Variants in CANX observed in about 807,000 individuals in gnomAD.
CANX encodes the protein epididymis secretory sperm binding protein.
A neutral mutation model predicts 75.7 loss-of-function variants in CANX; 14 were observed. That is an observed-to-expected ratio of 0.19 (90% CI 0.12 to 0.29). The LOEUF is 0.29. Ranked by LOEUF, CANX falls within the 10% of genes least tolerant of loss-of-function variation. The probability of loss-of-function intolerance (pLI) is 1.00; values close to 1 mark genes in which losing one functional copy is unlikely to be tolerated. For synonymous variants in CANX, 227 were observed against 236.9 expected, an observed-to-expected ratio of 0.96 and a Z score of 0.38; for missense variants, 567 against 713.2, an observed-to-expected ratio of 0.79 and a Z score of 2.34.
At chr5:179,707,657 T>A (rs1432298903) in intron 4 of CANX, among the ~76,000 whole-genome samples, 3 of 128,568 alleles carry the variant, frequency 2.3e-5, no homozygotes, top group East Asian at 4.8e-4. Flanking sequence ...TTTTTTTTTT[T>A]TTTTTTTTTT....
upstream of CANX, among the ~76,000 whole-genome samples, chr5:179,696,598 A>G (rs1257417322): frequency 5.3e-5 from 8 of 151,998 alleles, no homozygotes; most frequent in Admixed American, 6.6e-5. Flanking sequence ...CTGCTTCTAG[A>G]GTTTCAGGCC....
chr5:179,712,503 C>T (rs1581868525), intron 7 of CANX, among the ~76,000 whole-genome samples: 1 of 151,808 alleles, frequency 6.6e-6, no homozygotes, highest in African/African-American at 2.4e-5. Context: ...ACCACAACCT[C>T]TGCCTCTTGC....
upstream of CANX, chr5:179,694,730 A>T: frequency 1.5e-6 from 1 of 677,894 alleles, no homozygotes; most frequent in Non-Finnish European, 2.7e-6. Context: ...TGGAAGAGGA[A>T]GATGAAGACG....
At chr5:179,709,517 C>T (rs769342250) in intron 6 of CANX, among the ~76,000 whole-genome samples, 4 of 152,038 alleles carry the variant, frequency 2.6e-5, no homozygotes, top group African/African-American at 7.2e-5. Context: ...TTGACGCTAA[C>T]GTGCTTTTTA....
chr5:179,690,449 A>G (rs778743165), intron 1 of CANX, among the ~76,000 whole-genome samples: 3 of 151,668 alleles, frequency 2.0e-5, no homozygotes, highest in Non-Finnish European at 4.4e-5. Flanking sequence ...GGTGGTACGC[A>G]CCTGTAATCC....
At chr5:179,712,494 C>G (rs1161832260) in intron 7 of CANX, among the ~76,000 whole-genome samples, 1 of 151,946 alleles carries the variant, frequency 6.6e-6, no homozygotes, top group Non-Finnish European at 1.5e-5. Flanking sequence ...TCTTGGCTCA[C>G]CACAACCTCT....
intron 1 of CANX, among the ~76,000 whole-genome samples, chr5:179,684,390 CT>C (rs559968980): frequency 0.012 from 1,647 of 134,846 alleles, 31 homozygotes; most frequent in African/African-American, 0.037. Context: ...GCTAGTAAGC[CT>C]TTTTTTTTTT....
chr5:179,721,025 G>A (rs924311669), intron 10 of CANX, among the ~76,000 whole-genome samples: 77 of 146,918 alleles, frequency 5.2e-4, no homozygotes, highest in African/African-American at 1.8e-3. Flanking sequence ...CTCGCGATCC[G>A]CCCACCTCAA....
intron 9 of CANX, among the ~76,000 whole-genome samples, chr5:179,720,138 C>G (rs1351536991): frequency 6.6e-6 from 1 of 152,076 alleles, no homozygotes; most frequent in Non-Finnish European, 1.5e-5. Flanking sequence ...GCATAAGTTA[C>G]CTGTTTTTAT....
chr5:179,716,077 T>C (rs1777932697), intron 7 of CANX, 28 bp from the exon 8 acceptor site: 1 of 1,506,100 alleles, frequency 6.6e-7, no homozygotes, highest in Non-Finnish European at 9.2e-7. Flanking sequence ...AATTAAGTAC[T>C]TTTAATTCCA....
intron 1 of CANX, chr5:179,679,212 C>G (rs1332273084): frequency 5.2e-6 from 8 of 1,534,266 alleles, no homozygotes; most frequent in Admixed American, 2.0e-5. Flanking sequence ...GTGCTGCGCT[C>G]TTGTCTCGGG....
intron 9 of CANX, among the ~76,000 whole-genome samples, chr5:179,720,111 G>A (rs1368039958): frequency 5.9e-5 from 9 of 152,160 alleles, no homozygotes; most frequent in African/African-American, 1.9e-4. Flanking sequence ...GATTACAGGC[G>A]TGAGCCACCA....
At chr5:179,698,163 C>G (rs1776470403), upstream of CANX, among the ~76,000 whole-genome samples, 1 of 152,202 alleles carries the variant, frequency 6.6e-6, no homozygotes, top group Non-Finnish European at 1.5e-5. Flanking sequence ...TGAAGATGTA[C>G]TAAGAGTGGG....
chr5:179,708,977 G>A lies in CANX; in HGVS notation c.447-1G>A. On this transcript the variant is annotated splice_acceptor_variant, in intron 5 of 14. Coordinates refer to ENST00000247461, the MANE Select transcript of CANX (RefSeq NM_001746.4). LOFTEE classifies it high-confidence loss of function. ...TTTTCTGCTTTTCTCTCTGATATTA[G>A]GTATGAGGTTAATTTCCAAAATGGA... The A allele has an allele frequency of 6.6e-7, 1 of 1,511,098 alleles. No homozygotes were observed. The highest frequency in any genetic ancestry group is 1.1e-5 in the South Asian group (1 of 88,870). The allele number at this position is 1,511,098 out of a possible 1,614,324, so 93.6% of individuals were successfully genotyped here. A position where few individuals can be genotyped will look rare whatever the true frequency, so the allele number is the denominator to read the frequency against.
In CANX at chr5:179,708,348, C is replaced by T. The variant is rs757903792; in HGVS notation, c.414C>T (p.Pro138=). 1 of 1,613,614 alleles carries T rather than the reference C, an allele frequency of 6.2e-7. No individual in the cohort carries two copies. Among genetic ancestry groups the T allele is most frequent in the South Asian group, 1.1e-5 (1 of 91,032 alleles). ...CCATCTCTGCTAAACTGAACAAGCC[C>T]TTCCTGTTTGACACCAAGCCTCTCA... ...HHAISAKLNK[P]FLFDTKPLIV... is the part of the protein sequence containing the mutation. Residue 138 remains proline (P), a synonymous_variant, in exon 5 of 15, where the codon CCC becomes CCT. Coordinates refer to ENST00000247461, the MANE Select transcript of CANX (RefSeq NM_001746.4).
At chr5:179,715,312 TGCCTGA>T (rs1382292433) in intron 7 of CANX, among the ~76,000 whole-genome samples, 1 of 152,100 alleles carries the variant, frequency 6.6e-6, no homozygotes, top group Non-Finnish European at 1.5e-5. Flanking sequence ...TTGGGCAGAT[TGCCTGA>T]GCTCAGGAGT....
chr5:179,690,885 T>A (rs550692612), intron 1 of CANX, among the ~76,000 whole-genome samples: 29 of 151,260 alleles, frequency 1.9e-4, no homozygotes, highest in African/African-American at 6.8e-4. Flanking sequence ...TGAGACTCTC[T>A]CAAAAAAAAA....
chr5:179,701,723 T>C (rs1047464798), intron 1 of CANX, among the ~76,000 whole-genome samples: 2 of 125,482 alleles, frequency 1.6e-5, no homozygotes, highest in Admixed American at 8.6e-5. Flanking sequence ...TCTTTGTTAC[T>C]CCAACAGATG....
chr5:179,684,868 T>C (rs544034811), intron 1 of CANX, among the ~76,000 whole-genome samples: 1 of 150,124 alleles, frequency 6.7e-6, no homozygotes, highest in East Asian at 2.0e-4. Flanking sequence ...GCAATTCTCC[T>C]GCCTCAGCCT....
Sources: allele counts gnomAD v4.1 joint callset (sites outside exome capture counted in the v4.1 genomes callset), GRCh38; gene constraint gnomAD v4.1.1; transcripts MANE v1.5; gene names NCBI Gene and HGNC (gene_info 2026-07-23, HGNC 2026-07-21).